SYNJ2BP: variants seen among roughly 807,000 people sequenced by gnomAD.
SYNJ2BP encodes the protein synaptojanin-2-binding protein.
Under a neutral mutation model 16.9 loss-of-function variants are expected in SYNJ2BP, and 10 were observed. That is an observed-to-expected ratio of 0.59 (90% CI 0.36 to 1.00). SYNJ2BP has a LOEUF of 1.00. Among genes scored for constraint, SYNJ2BP ranks in the 50% least tolerant of loss-of-function variants. SYNJ2BP has a pLI of 0.01. For synonymous variants in SYNJ2BP, 54 were observed against 68.4 expected, an observed-to-expected ratio of 0.79 and a Z score of 1.04; for missense variants, 162 against 186.7, an observed-to-expected ratio of 0.87 and a Z score of 0.77.
chr14:70,384,231 T>G (rs1318198135), intron 2 of SYNJ2BP, among the ~76,000 whole-genome samples: 2 of 152,202 alleles, frequency 1.3e-5, no homozygotes, highest in Admixed American at 6.5e-5. Flanking sequence ...AAAATAGGTA[T>G]GTGCTAAGGA....
At chr14:70,388,716 A>G in intron 1 of SYNJ2BP, 110 bp from the exon 2 acceptor site, 1 of 1,345,638 alleles carries the variant, frequency 7.4e-7, no homozygotes, top group Non-Finnish European at 9.5e-7. Context: ...AGGCTGATGG[A>G]GAGGAGATGC....
chr14:70,382,129 G>A (rs1413919532), intron 2 of SYNJ2BP, among the ~76,000 whole-genome samples: 6 of 152,108 alleles, frequency 3.9e-5, no homozygotes, highest in Non-Finnish European at 5.9e-5. Context: ...CCAGCTACTC[G>A]GGAGGCTGAG....
In SYNJ2BP at chr14:70,387,896, A is replaced by G. The variant is rs546858716; in HGVS notation, c.201+574T>C. 5.9e-4 allele frequency among the ~76,000 whole-genome samples: 90 copies of G among 151,690 alleles called. 1 individual carries two copies. Among genetic ancestry groups the G allele is most frequent in the Admixed American group, 1.0e-3 (16 of 15,248 alleles). On this transcript the variant is annotated intron_variant, in intron 2 of 3. Transcript: ENST00000256366. Reference sequence around the variant, plus strand: ...AATATTCTGGAAAATAGTAAGATTAATAATTACCATGTAGTATGTCTTCGT... The same window carrying G: ...AATATTCTGGAAAATAGTAAGATTAGTAATTACCATGTAGTATGTCTTCGT...
intron 1 of SYNJ2BP, among the ~76,000 whole-genome samples, chr14:70,390,969 A>C (rs1393847523): frequency 6.6e-6 from 1 of 152,100 alleles, no homozygotes; most frequent in Non-Finnish European, 1.5e-5. Context: ...CCCCGTCTCT[A>C]CCAAAAATAC....
At chr14:70,416,204 T>A (rs896168477) in intron 1 of SYNJ2BP, among the ~76,000 whole-genome samples, 1 of 152,108 alleles carries the variant, frequency 6.6e-6, no homozygotes, top group East Asian at 1.9e-4. Flanking sequence ...GGATAGCAGT[T>A]TGGCTGCTCA....
Position 70,369,428 on chromosome 14 carries a change from A to T in SYNJ2BP, c.*3563T>A, listed in dbSNP as rs1310325049. The T allele has an allele frequency of 6.6e-6, 1 of 152,216 alleles. No individual in the cohort carries two copies. Among genetic ancestry groups the T allele is most frequent in the Non-Finnish European group, 1.5e-5 (1 of 68,046 alleles). The allele number at this position is 152,216 out of a possible 1,614,324, so 9.4% of individuals were successfully genotyped here. On this transcript the variant is annotated 3_prime_UTR_variant, in exon 4 of 4. Transcript: ENST00000256366. ...TGCTTTTCTAACAAGTTCCCCAGTA[A>T]CGCTGATGCTTTTGTCAGGACCTTG...
rs1459826987 is a variant in SYNJ2BP at position 70,370,361 on chromosome 14, G to C, written c.*2630C>G. ...AGGAACAGAAAGGGTACCAGAGGCT[G>C]TGCCCTCCTAGTGTGGCTGGTTGGA... is the stretch of plus-strand genomic sequence containing the variant. On this transcript the variant is annotated 3_prime_UTR_variant, in exon 4 of 4. Coordinates refer to ENST00000256366, the MANE Select transcript of SYNJ2BP (RefSeq NM_018373.3). 1.3e-5 allele frequency: 2 copies of C among 152,186 alleles called. No homozygotes were observed. The highest frequency in any genetic ancestry group is 4.8e-5 in the African/African-American group (2 of 41,450). 9.4% of individuals were successfully genotyped at this position (152,186 alleles called of 1,614,324 possible).
At chr14:70,375,437 T>C (rs544003054) in intron 3 of SYNJ2BP, among the ~76,000 whole-genome samples, 2 of 151,766 alleles carry the variant, frequency 1.3e-5, no homozygotes, top group South Asian at 4.2e-4. Context: ...TGGCCTGAAG[T>C]GATCCGCCCA....
intron 1 of SYNJ2BP, among the ~76,000 whole-genome samples, chr14:70,399,439 C>A (rs1468348043): frequency 6.6e-6 from 1 of 152,230 alleles, no homozygotes; most frequent in African/African-American, 2.4e-5. Flanking sequence ...CCTGCAGTGG[C>A]AGCAGGCAAG....
chr14:70,415,185 A>AT (rs370671091), intron 1 of SYNJ2BP, among the ~76,000 whole-genome samples: 29,631 of 150,954 alleles, frequency 0.2, 4,146 homozygotes, highest in East Asian at 0.53. Flanking sequence ...AAAAAAAAAA[A>AT]ATATTAATAA....
chr14:70,399,139 G>A (rs577323621), intron 1 of SYNJ2BP, among the ~76,000 whole-genome samples: 6 of 152,248 alleles, frequency 3.9e-5, no homozygotes, highest in African/African-American at 7.2e-5. Flanking sequence ...AGCAGGCGCC[G>A]CTCCCACTTC....
At chr14:70,405,960 A>G (rs1888336719) in intron 1 of SYNJ2BP, among the ~76,000 whole-genome samples, 1 of 152,198 alleles carries the variant, frequency 6.6e-6, no homozygotes, top group African/African-American at 2.4e-5. Context: ...ATTAATGACT[A>G]TTATTTATTG....
At chr14:70,391,391 C>T (rs1304820778) in intron 1 of SYNJ2BP, among the ~76,000 whole-genome samples, 1 of 152,128 alleles carries the variant, frequency 6.6e-6, no homozygotes, top group Admixed American at 6.5e-5. Context: ...TTTCTTAGAG[C>T]ACCCTCAATT....
chr14:70,396,798 A>G (rs1006747673), intron 1 of SYNJ2BP, among the ~76,000 whole-genome samples: 4 of 152,140 alleles, frequency 2.6e-5, no homozygotes, highest in African/African-American at 7.2e-5. Context: ...TCTTTGGAGA[A>G]ATGTCTACTC....
chr14:70,373,433 A>G (rs1443303295), intron 3 of SYNJ2BP, among the ~76,000 whole-genome samples: 1 of 152,218 alleles, frequency 6.6e-6, no homozygotes, highest in Non-Finnish European at 1.5e-5. Flanking sequence ...TGTGTATCGT[A>G]TCAGGAAAAT....
At position 70,369,135 on chromosome 14, in the gene SYNJ2BP, GA is replaced by G. The variant is rs2140796092; in HGVS notation, c.*3855del. On this transcript the variant is annotated 3_prime_UTR_variant, in exon 4 of 4. Transcript: ENST00000256366. ...TTTGTTTGTTTGTTTTTTTGTTTTT[GA>G]GACAAGGTCTCACTCCGTTGCTCAG... 1 of 130,244 alleles carries G rather than the reference GA, an allele frequency of 7.7e-6. No individual in the cohort carries two copies. The highest frequency in any genetic ancestry group is 1.7e-5 in the Non-Finnish European group (1 of 58,744). 8.1% of individuals were successfully genotyped at this position (130,244 alleles called of 1,614,324 possible).
chr14:70,370,159 G>A lies in SYNJ2BP; in HGVS notation c.*2832C>T, dbSNP rs1452161812. The A allele has an allele frequency of 6.6e-6, 1 of 152,160 alleles. No homozygotes were observed. The highest frequency in any genetic ancestry group is 2.4e-5 in the African/African-American group (1 of 41,436). 9.4% of individuals were successfully genotyped at this position (152,160 alleles called of 1,614,324 possible). On this transcript the variant is annotated 3_prime_UTR_variant, in exon 4 of 4. Transcript: ENST00000256366. Reference sequence around the variant, plus strand: ...CAAAACTTCTACCAACGACAGAATGGATACTTTTTAAACAAATTTACATAT... The same window carrying A: ...CAAAACTTCTACCAACGACAGAATGAATACTTTTTAAACAAATTTACATAT...
intron 2 of SYNJ2BP, among the ~76,000 whole-genome samples, chr14:70,385,786 G>A (rs1469768103): frequency 1.3e-5 from 2 of 152,096 alleles, no homozygotes. Context: ...CCTTTTAGGA[G>A]GCAGTATAAC....
intron 1 of SYNJ2BP, among the ~76,000 whole-genome samples, chr14:70,393,409 C>G (rs2140842508): frequency 6.6e-6 from 1 of 152,252 alleles, no homozygotes; most frequent in East Asian, 1.9e-4. Context: ...CCTCAAGGAT[C>G]TAGAAGCAGA....
Sources: allele counts gnomAD v4.1 joint callset (sites outside exome capture counted in the v4.1 genomes callset), GRCh38; gene constraint gnomAD v4.1.1; transcripts MANE v1.5; gene names NCBI Gene and HGNC (gene_info 2026-07-23, HGNC 2026-07-21).